SH3GL2: variants seen among roughly 807,000 people sequenced by gnomAD.
SH3GL2 encodes the protein SH3 domain containing GRB2 like 2, endophilin A1, also known as endophilin-A1.
Under a neutral mutation model 46.0 loss-of-function variants are expected in SH3GL2, and 24 were observed. That is an observed-to-expected ratio of 0.52 (90% CI 0.38 to 0.73). The LOEUF (loss-of-function observed/expected upper bound fraction) is 0.73. Among genes scored for constraint, SH3GL2 ranks in the 30% least tolerant of loss-of-function variants. SH3GL2 has a pLI of 0.00. For missense variants in SH3GL2, 413 were observed against 424.2 expected, an observed-to-expected ratio of 0.97 and a Z score of 0.23; for synonymous variants, 196 against 147.1, an observed-to-expected ratio of 1.33 and a Z score of -2.40.
chr9:17,661,087 G>A (rs2117885415), intron 1 of SH3GL2, among the ~76,000 whole-genome samples: 1 of 152,222 alleles, frequency 6.6e-6, no homozygotes, highest in East Asian at 1.9e-4. Context: ...GCTTGAACCT[G>A]GGAGGCAGAG....
chr9:17,633,061 G>A (rs3808734), intron 1 of SH3GL2, among the ~76,000 whole-genome samples: 20,935 of 152,180 alleles, frequency 0.14, 1,834 homozygotes, highest in South Asian at 0.28. Context: ...TCCTCTCCTG[G>A]GTCAGCCATC....
intron 1 of SH3GL2, among the ~76,000 whole-genome samples, chr9:17,635,763 G>A (rs181590594): frequency 2.6e-5 from 4 of 152,296 alleles, no homozygotes; most frequent in Non-Finnish European, 4.4e-5. Context: ...TGCCCCCAGG[G>A]GTTCAGGCAC....
At chr9:17,688,106 A>T (rs1184720275) in intron 1 of SH3GL2, among the ~76,000 whole-genome samples, 2 of 152,074 alleles carry the variant, frequency 1.3e-5, no homozygotes, top group Non-Finnish European at 2.9e-5. Flanking sequence ...TACTTATAAA[A>T]TTAAAATACC....
chr9:17,684,666 A>G (rs1820859397), intron 1 of SH3GL2, among the ~76,000 whole-genome samples: 1 of 152,152 alleles, frequency 6.6e-6, no homozygotes, highest in Admixed American at 6.6e-5. Context: ...AGTCAGACAT[A>G]TTGTATTCAC....
intron 3 of SH3GL2, among the ~76,000 whole-genome samples, chr9:17,777,552 T>C (rs568450910): frequency 6.6e-6 from 1 of 152,194 alleles, no homozygotes; most frequent in Non-Finnish European, 1.5e-5. Context: ...ATTTATTTTC[T>C]TGCAGTTCTG....
intron 1 of SH3GL2, among the ~76,000 whole-genome samples, chr9:17,627,852 A>G (rs540681392): frequency 6.6e-6 from 1 of 152,264 alleles, no homozygotes; most frequent in East Asian, 1.9e-4. Flanking sequence ...GGGATTGTTT[A>G]TTTTTACTGC....
intron 1 of SH3GL2, among the ~76,000 whole-genome samples, chr9:17,715,186 T>C (rs4436217): frequency 0.11 from 16,107 of 148,852 alleles, 2,871 homozygotes; most frequent in African/African-American, 0.37. Context: ...TTATGATTTC[T>C]TTCTTTTCTT....
At chr9:17,721,980 T>C (rs937333207) in intron 1 of SH3GL2, among the ~76,000 whole-genome samples, 1 of 152,060 alleles carries the variant, frequency 6.6e-6, no homozygotes, top group African/African-American at 2.4e-5. Flanking sequence ...AGGTTGATAG[T>C]TAACGCTGGT....
chr9:17,668,138 C>T (rs960809454), intron 1 of SH3GL2, among the ~76,000 whole-genome samples: 3 of 152,162 alleles, frequency 2.0e-5, no homozygotes, highest in African/African-American at 7.2e-5. Flanking sequence ...TTGATGAGGT[C>T]CAGCTTACCA....
In SH3GL2 at chr9:17,640,019, G is replaced by T. The variant is rs111253820; in HGVS notation, c.45+60732G>T. Among the ~76,000 whole-genome samples, 499 of 152,120 alleles carry T rather than the reference G, an allele frequency of 3.3e-3. 7 individuals are homozygous for T. The highest frequency in any genetic ancestry group is 0.011 in the African/African-American group (477 of 41,508). ...CAGAAAGTACCAGGAAACTTTTTAG[G>T]GTGATAGTATTATTATTAATATATC... On this transcript the variant is annotated intron_variant, in intron 1 of 8. Transcript: ENST00000380607.
At chr9:17,682,760 G>C (rs1820805773) in intron 1 of SH3GL2, among the ~76,000 whole-genome samples, 1 of 151,714 alleles carries the variant, frequency 6.6e-6, no homozygotes, top group Non-Finnish European at 1.5e-5. Flanking sequence ...CATTAAGTTT[G>C]GATAAATTCT....
intron 1 of SH3GL2, among the ~76,000 whole-genome samples, chr9:17,674,666 C>G (rs1820564321): frequency 6.6e-6 from 1 of 152,090 alleles, no homozygotes; most frequent in African/African-American, 2.4e-5. Context: ...AGGGGTCACT[C>G]ATGGGTCCTC....
At chr9:17,607,012 T>C (rs1347221811) in intron 1 of SH3GL2, among the ~76,000 whole-genome samples, 3 of 152,186 alleles carry the variant, frequency 2.0e-5, no homozygotes, top group African/African-American at 7.2e-5. Flanking sequence ...GCCCTTTTTT[T>C]CTCCTCTTCT....
intron 1 of SH3GL2, among the ~76,000 whole-genome samples, chr9:17,648,663 C>G (rs1819884940): frequency 6.6e-6 from 1 of 152,166 alleles, no homozygotes; most frequent in Non-Finnish European, 1.5e-5. Flanking sequence ...ATCAAAGCAT[C>G]TCAGAAAATG....
intron 1 of SH3GL2, among the ~76,000 whole-genome samples, chr9:17,591,673 A>T (rs1203757229): frequency 1.3e-5 from 2 of 152,192 alleles, no homozygotes; most frequent in Non-Finnish European, 2.9e-5. Context: ...TGTTTTTCAC[A>T]GTTCCTTTTC....
At position 17,627,149 on chromosome 9, in the gene SH3GL2, T is replaced by G. The variant is rs148250818; in HGVS notation, c.45+47862T>G. ...AAACTGCCAGATTCCAAAGCCAGAG[T>G]TTTTTCAATACACTCAAGGAATAAA... On this transcript the variant is annotated intron_variant, in intron 1 of 8. Coordinates refer to ENST00000380607, the MANE Select transcript of SH3GL2 (RefSeq NM_003026.5). 7.0e-3 allele frequency among the ~76,000 whole-genome samples: 1,054 copies of G among 151,470 alleles called. 6 individuals are homozygous for G. The highest frequency in any genetic ancestry group is 0.01 in the Admixed American group (158 of 15,214).
At chr9:17,633,096 C>G (rs751619074) in intron 1 of SH3GL2, among the ~76,000 whole-genome samples, 1 of 152,196 alleles carries the variant, frequency 6.6e-6, no homozygotes, top group Non-Finnish European at 1.5e-5. Flanking sequence ...TTGCTTTTCA[C>G]TTTGCCAGCT....
At chr9:17,595,356 C>G (rs929240274) in intron 1 of SH3GL2, among the ~76,000 whole-genome samples, 1 of 152,114 alleles carries the variant, frequency 6.6e-6, no homozygotes, top group Non-Finnish European at 1.5e-5. Context: ...GATACGAATG[C>G]AAAAATCAAG....
intron 1 of SH3GL2, among the ~76,000 whole-genome samples, chr9:17,625,221 A>C (rs892461054): frequency 1.3e-5 from 2 of 151,522 alleles, no homozygotes; most frequent in African/African-American, 2.4e-5. Flanking sequence ...GGGCAGGGGG[A>C]GGTGGTGAGT....
Sources: gnomAD v4.1 joint callset for allele counts (sites outside exome capture counted in the v4.1 genomes callset) on GRCh38, gnomAD v4.1.1 for gene constraint, MANE v1.5 for transcripts, NCBI Gene and HGNC (gene_info 2026-07-23, HGNC 2026-07-21) for gene names.